CNTN5: variants seen among roughly 807,000 people sequenced by gnomAD.
CNTN5 encodes contactin 5.
Under a neutral mutation model 129.1 loss-of-function variants are expected in CNTN5, and 77 were observed. That is an observed-to-expected ratio of 0.60 (90% CI 0.50 to 0.72). CNTN5 has a LOEUF of 0.72. CNTN5 is among the 30% of genes least tolerant of loss of function. The pLI, the probability that CNTN5 is intolerant of heterozygous loss-of-function variation, is 0.00. For synonymous variants in CNTN5, 509 were observed against 465.6 expected, an observed-to-expected ratio of 1.09 and a Z score of -1.20; for missense variants, 1,478 against 1,328.8, an observed-to-expected ratio of 1.11 and a Z score of -1.75.
chr11:100,072,479 C>T (rs1345139156), intron 12 of CNTN5, among the ~76,000 whole-genome samples: 1 of 152,164 alleles, frequency 6.6e-6, no homozygotes, highest in Non-Finnish European at 1.5e-5. Flanking sequence ...ATATATGAGC[C>T]ATTGGAATGA....
chr11:99,204,437 C>A (rs1859372093), intron 1 of CNTN5, among the ~76,000 whole-genome samples: 1 of 152,160 alleles, frequency 6.6e-6, no homozygotes, highest in African/African-American at 2.4e-5. Context: ...CTAACAGTTA[C>A]AAGTCTTCAT....
chr11:99,581,056 A>T (rs1339931900), intron 3 of CNTN5, among the ~76,000 whole-genome samples: 1 of 148,990 alleles, frequency 6.7e-6, no homozygotes, highest in Non-Finnish European at 1.5e-5. Flanking sequence ...GGTTTCAAAG[A>T]ACATCTTTAT....
At chr11:99,256,893 AAAAAAGG>A (rs1862400579) in intron 1 of CNTN5, among the ~76,000 whole-genome samples, 1 of 152,110 alleles carries the variant, frequency 6.6e-6, no homozygotes, top group Non-Finnish European at 1.5e-5. Context: ...GAACATATTA[AAAAAAGG>A]ACAAGTAAAT....
intron 6 of CNTN5, among the ~76,000 whole-genome samples, chr11:99,911,012 A>G (rs1239621330): frequency 1.3e-5 from 2 of 152,112 alleles, no homozygotes; most frequent in African/African-American, 2.4e-5. Flanking sequence ...TACAGAAGTC[A>G]TAGAAATTAA....
chr11:99,974,069 T>C (rs1937765093), intron 8 of CNTN5, among the ~76,000 whole-genome samples: 1 of 152,242 alleles, frequency 6.6e-6, no homozygotes, highest in South Asian at 2.1e-4. Flanking sequence ...AGAGGAGAGA[T>C]AGCAAGCTGC....
chr11:100,158,063 T>C (rs79391384), intron 13 of CNTN5, among the ~76,000 whole-genome samples: 3 of 151,830 alleles, frequency 2.0e-5, no homozygotes, highest in Admixed American at 6.6e-5. Flanking sequence ...GTGGCAACCA[T>C]TGAGGAAGAC....
At chr11:99,109,310 A>G (rs1413764020) in intron 1 of CNTN5, among the ~76,000 whole-genome samples, 1 of 152,116 alleles carries the variant, frequency 6.6e-6, no homozygotes, top group East Asian at 1.9e-4. Flanking sequence ...TATTCTAAAC[A>G]AAAATTGTTG....
At chr11:99,072,484 C>T (rs1865378554) in intron 1 of CNTN5, among the ~76,000 whole-genome samples, 1 of 151,890 alleles carries the variant, frequency 6.6e-6, no homozygotes, top group Admixed American at 6.6e-5. Context: ...ATTTGAAGGA[C>T]ATAATACATA....
At chr11:99,364,036 T>A (rs1215146081) in intron 2 of CNTN5, among the ~76,000 whole-genome samples, 2 of 152,120 alleles carry the variant, frequency 1.3e-5, no homozygotes, top group African/African-American at 2.4e-5. Flanking sequence ...GAATCAAGAT[T>A]TTTTGTGTTT....
intron 18 of CNTN5, among the ~76,000 whole-genome samples, chr11:100,294,149 G>T (rs1951055836): frequency 6.6e-6 from 1 of 151,478 alleles, no homozygotes; most frequent in African/African-American, 2.4e-5. Context: ...AATGAGTGGG[G>T]TAAGCGCTTA....
At chr11:99,736,703 C>T (rs779291359) in intron 3 of CNTN5, among the ~76,000 whole-genome samples, 239 of 152,140 alleles carry the variant, frequency 1.6e-3, no homozygotes, top group Non-Finnish European at 2.1e-3. Flanking sequence ...GATACATTGA[C>T]GGTGATATTT....
rs1372226537 is a variant in CNTN5 at position 100,107,017 on chromosome 11, C to T, written c.1580+32723C>T. 2.0e-5 allele frequency among the ~76,000 whole-genome samples: 3 copies of T among 152,048 alleles called. No homozygotes were observed. In the East Asian group the frequency reaches 5.8e-4, roughly 29 times the overall value. ...GAAGACATATTAACTACAGTCATAC[C>T]TATTTATGCCTAAATCTAAAAGTTC... On this transcript the variant is annotated intron_variant, in intron 13 of 24. Transcript: ENST00000524871.
chr11:99,636,559 A>G (rs913108368), intron 3 of CNTN5, among the ~76,000 whole-genome samples: 5 of 151,976 alleles, frequency 3.3e-5, no homozygotes, highest in Admixed American at 3.3e-4. Flanking sequence ...GGAGTAGAAG[A>G]TTGAAGGGCA....
chr11:100,082,083 AATC>A (rs1591200996), intron 13 of CNTN5, among the ~76,000 whole-genome samples: 2 of 152,084 alleles, frequency 1.3e-5, no homozygotes, highest in Admixed American at 6.5e-5. Context: ...ATATAAAAAG[AATC>A]ATCATCATGC....
intron 3 of CNTN5, among the ~76,000 whole-genome samples, chr11:99,776,833 C>T (rs1457942231): frequency 2.0e-5 from 3 of 151,750 alleles, no homozygotes; most frequent in Non-Finnish European, 4.4e-5. Context: ...AATAATACCA[C>T]ATTTTAACTT....
intron 1 of CNTN5, among the ~76,000 whole-genome samples, chr11:99,246,355 G>A (rs568119005): frequency 4.6e-5 from 7 of 152,302 alleles, no homozygotes; most frequent in East Asian, 1.9e-4. Context: ...GGCAATGACT[G>A]TGAGCCAGCA....
At chr11:99,812,507 A>G (rs1011132212) in intron 3 of CNTN5, among the ~76,000 whole-genome samples, 4 of 152,134 alleles carry the variant, frequency 2.6e-5, no homozygotes, top group Non-Finnish European at 5.9e-5. Flanking sequence ...AGGCAAGCAT[A>G]GTTTCAACTG....
intron 8 of CNTN5, among the ~76,000 whole-genome samples, chr11:99,976,098 A>C (rs1471324895): frequency 6.6e-6 from 1 of 152,214 alleles, no homozygotes; most frequent in Non-Finnish European, 1.5e-5. Context: ...ATACAAGTCC[A>C]TAAACCATCC....
intron 2 of CNTN5, among the ~76,000 whole-genome samples, chr11:99,429,626 A>G (rs1943278310): frequency 6.6e-6 from 1 of 152,122 alleles, no homozygotes; most frequent in Non-Finnish European, 1.5e-5. Flanking sequence ...TTTAAGGAGT[A>G]CAATTTTACT....
Sources: gnomAD v4.1 joint callset for allele counts (sites outside exome capture counted in the v4.1 genomes callset) on GRCh38, gnomAD v4.1.1 for gene constraint, MANE v1.5 for transcripts, NCBI Gene and HGNC (gene_info 2026-07-23, HGNC 2026-07-21) for gene names.